The following ARHGAP15 variants were observed in gnomAD, a reference collection of about 807,000 sequenced individuals.
ARHGAP15 encodes rho GTPase-activating protein 15.
Under a neutral mutation model 63.7 loss-of-function variants are expected in ARHGAP15, and 51 were observed. The observed-to-expected ratio is 0.80, with a 90% CI of 0.64 to 1.01. The LOEUF (loss-of-function observed/expected upper bound fraction) is 1.01, where lower values mean the gene tolerates loss of function less well. Among genes scored for constraint, ARHGAP15 ranks in the 50% least tolerant of loss-of-function variants. ARHGAP15 has a pLI of 0.00. For synonymous variants in ARHGAP15, 191 were observed against 193.8 expected, an observed-to-expected ratio of 0.99 and a Z score of 0.12; for missense variants, 560 against 564.6, an observed-to-expected ratio of 0.99 and a Z score of 0.08.
intron 6 of ARHGAP15, among the ~76,000 whole-genome samples, chr2:143,422,932 T>C (rs1192465758): frequency 6.6e-6 from 1 of 152,132 alleles, no homozygotes; most frequent in Non-Finnish European, 1.5e-5. Flanking sequence ...TCCAAGACTG[T>C]GCATTCTCAA....
At chr2:143,323,756 G>A (rs189555144) in intron 6 of ARHGAP15, among the ~76,000 whole-genome samples, 93 of 151,584 alleles carry the variant, frequency 6.1e-4, no homozygotes, top group African/African-American at 1.8e-3. Flanking sequence ...GCGTTGTGGC[G>A]GACACCTGTA....
At chr2:143,426,223 C>T (rs977132342) in intron 6 of ARHGAP15, among the ~76,000 whole-genome samples, 2 of 152,114 alleles carry the variant, frequency 1.3e-5, no homozygotes, top group African/African-American at 4.8e-5. Flanking sequence ...TATCTTTAGA[C>T]TATATCACCA....
intron 13 of ARHGAP15, among the ~76,000 whole-genome samples, chr2:143,742,600 T>A (rs1191785408): frequency 1.3e-5 from 2 of 151,246 alleles, no homozygotes; most frequent in Non-Finnish European, 3.0e-5. Flanking sequence ...AAATTGAGTC[T>A]GTGTTTACAA....
At chr2:143,503,285 T>C (rs1317248175) in intron 9 of ARHGAP15, among the ~76,000 whole-genome samples, 2 of 152,324 alleles carry the variant, frequency 1.3e-5, no homozygotes, top group Non-Finnish European at 2.9e-5. Flanking sequence ...CTTTTTGTGC[T>C]TGGGTGTGTA....
chr2:143,527,250 A>G (rs903928276), intron 10 of ARHGAP15, among the ~76,000 whole-genome samples: 1 of 152,120 alleles, frequency 6.6e-6, no homozygotes, highest in Non-Finnish European at 1.5e-5. Flanking sequence ...GTCTATATGA[A>G]TGAACATGAC....
intron 9 of ARHGAP15, among the ~76,000 whole-genome samples, chr2:143,509,000 A>G (rs928704735): frequency 6.6e-6 from 1 of 152,198 alleles, no homozygotes; most frequent in African/African-American, 2.4e-5. Flanking sequence ...CTCTTCTGTC[A>G]GTCCCATCCC....
intron 6 of ARHGAP15, among the ~76,000 whole-genome samples, chr2:143,430,827 T>C (rs1474021492): frequency 2.0e-5 from 3 of 152,062 alleles, no homozygotes; most frequent in Admixed American, 6.6e-5. Context: ...CTAGAACCAC[T>C]GTAGCCATAT....
At chr2:143,168,854 T>A (rs1371913211) in intron 2 of ARHGAP15, among the ~76,000 whole-genome samples, 1 of 152,072 alleles carries the variant, frequency 6.6e-6, no homozygotes, top group African/African-American at 2.4e-5. Flanking sequence ...TTTTATTTCC[T>A]TTTCCATTGA....
rs1553476592 is a variant in ARHGAP15, at chr2:143,413,966, T to TGCGCGCGCGCGC, written c.475-21629_475-21628insGCGCGCGCGCGC. ...GTGTGTGTGTGTGTGTGTGTGTGTG[T>TGCGCGCGCGCGC]GCGCGCTCTCTGGCAGAAAGTTAAT... On this transcript the variant is annotated intron_variant, in intron 6 of 13. Coordinates refer to ENST00000295095, the MANE Select transcript of ARHGAP15 (RefSeq NM_018460.4). Among the ~76,000 whole-genome samples the TGCGCGCGCGCGC allele has an allele frequency of 5.5e-3, 648 of 117,892 alleles. 6 individuals are homozygous for TGCGCGCGCGCGC. Among genetic ancestry groups the TGCGCGCGCGCGC allele is most frequent in the Middle Eastern group, 0.012 (3 of 248 alleles). The allele number at this position is 117,892 out of a possible 152,430, so 77.3% of individuals were successfully genotyped here.
chr2:143,158,065 T>C (rs1247914560), intron 2 of ARHGAP15, among the ~76,000 whole-genome samples: 4 of 151,892 alleles, frequency 2.6e-5, no homozygotes, highest in Non-Finnish European at 5.9e-5. Context: ...TGTTCACTAG[T>C]ATAACAATTA....
At chr2:143,254,579 C>G (rs2104991894) in intron 6 of ARHGAP15, among the ~76,000 whole-genome samples, 1 of 150,106 alleles carries the variant, frequency 6.7e-6, no homozygotes, top group Middle Eastern at 3.4e-3. Flanking sequence ...TGATGTATCT[C>G]TAAAAAATTC....
At chr2:143,672,166 G>C (rs1225554380) in intron 12 of ARHGAP15, among the ~76,000 whole-genome samples, 2 of 152,136 alleles carry the variant, frequency 1.3e-5, no homozygotes, top group Non-Finnish European at 2.9e-5. Context: ...CAAATTGGTA[G>C]ATTTTCACTT....
chr2:143,620,658 G>C (rs923930512), intron 11 of ARHGAP15, among the ~76,000 whole-genome samples: 1 of 152,092 alleles, frequency 6.6e-6, no homozygotes, highest in Non-Finnish European at 1.5e-5. Context: ...TTCATCACTT[G>C]GCAGCCATGG....
chr2:143,463,547 TG>T (rs150451243), intron 8 of ARHGAP15, among the ~76,000 whole-genome samples: 19 of 39,706 alleles, frequency 4.8e-4, no homozygotes, highest in East Asian at 1.6e-3. Context: ...TCTTGGGGGG[TG>T]GGGGGGGAAG....
Position 143,624,241 on chromosome 2 carries a change from TC to T in ARHGAP15, c.1113del (p.Phe372LeufsTer20). ...ELPEPLFPYS[F>X]FEQFVEAIKK... The stretch of plus-strand genomic sequence containing the variant: ...CCTGAGCCGCTCTTCCCTTACAGTT[TC>T]TTTGAGCAGTTTGTGGAAGCGATCA... On this transcript the variant is annotated frameshift_variant, in exon 12 of 14. Transcript: ENST00000295095. LOFTEE classifies it high-confidence loss of function. 6.2e-7 allele frequency: 1 copy of T among 1,613,426 alleles called. No homozygotes were observed. Among genetic ancestry groups the T allele is most frequent in the Non-Finnish European group, 8.5e-7 (1 of 1,179,648 alleles).
chr2:143,337,175 G>C (rs184240972), intron 6 of ARHGAP15, among the ~76,000 whole-genome samples: 1 of 152,284 alleles, frequency 6.6e-6, no homozygotes, highest in African/African-American at 2.4e-5. Context: ...AGTGAAGAGA[G>C]TGTGCAAAAG....
At position 143,672,809 on chromosome 2, in the gene ARHGAP15, A is replaced by T. The variant is rs552027479; in HGVS notation, c.1139-30610A>T. ...ACATAATTTAGAGTTGATTGAAACT[A>T]TAGTTTGAATAAGCAAGCAAATCAA... On this transcript the variant is annotated intron_variant, in intron 12 of 13. Transcript: ENST00000295095. 5.8e-4 allele frequency among the ~76,000 whole-genome samples: 89 copies of T among 152,344 alleles called. 1 individual carries two copies. Among genetic ancestry groups the T allele is most frequent in the Middle Eastern group, 3.4e-3 (1 of 294 alleles).
At chr2:143,134,822 A>G (rs1203590479) in intron 1 of ARHGAP15, among the ~76,000 whole-genome samples, 1 of 151,812 alleles carries the variant, frequency 6.6e-6, no homozygotes, top group African/African-American at 2.4e-5. Flanking sequence ...TATTTTTAGT[A>G]GAGTCGGGGT....
intron 2 of ARHGAP15, chr2:143,161,978 C>A (rs1690316520): frequency 6.6e-6 from 1 of 151,834 alleles, no homozygotes; most frequent in African/African-American, 2.4e-5. Flanking sequence ...CATGGAATGA[C>A]AGATATCATT....
Sources: gnomAD v4.1 joint callset for allele counts (sites outside exome capture counted in the v4.1 genomes callset) on GRCh38, gnomAD v4.1.1 for gene constraint, MANE v1.5 for transcripts, NCBI Gene and HGNC (gene_info 2026-07-23, HGNC 2026-07-21) for gene names.